LNPK: variants seen among roughly 807,000 people sequenced by gnomAD.
The protein encoded by LNPK is lunapark, ER junction formation factor, also known as endoplasmic reticulum junction formation protein lunapark.
LNPK carries 29 observed loss-of-function variants against 55.2 expected under a neutral mutation model. The observed-to-expected ratio is 0.53, with a 90% CI of 0.39 to 0.72. The LOEUF is 0.72. Among genes scored for constraint, LNPK ranks in the 30% least tolerant of loss-of-function variants. The pLI, the probability that LNPK is intolerant of heterozygous loss-of-function variation, is 0.00. For missense variants in LNPK, 467 were observed against 494.8 expected (o/e 0.94, Z 0.53); for synonymous variants, 162 against 168.2 (o/e 0.96, Z 0.29).
chr2:175,941,854 A>C (rs1407677453), intron 9 of LNPK, among the ~76,000 whole-genome samples: 3 of 150,900 alleles, frequency 2.0e-5, no homozygotes, highest in Non-Finnish European at 4.4e-5. Context: ...AAAAAAACAA[A>C]AAAAAAATAC....
chr2:175,998,998 A>C (rs186858981), intron 1 of LNPK, among the ~76,000 whole-genome samples: 1 of 152,326 alleles, frequency 6.6e-6, no homozygotes, highest in Non-Finnish European at 1.5e-5. Context: ...GAAGCAAGGG[A>C]TTATGCTTTT....
chr2:175,940,514 G>T (rs554725446), intron 9 of LNPK, among the ~76,000 whole-genome samples: 114 of 152,242 alleles, frequency 7.5e-4, no homozygotes, highest in African/African-American at 2.6e-3. Context: ...ATCAGAGTGG[G>T]AGAACCTCCT....
chr2:175,957,608 G>C (rs1186169248), intron 8 of LNPK, among the ~76,000 whole-genome samples: 1 of 151,974 alleles, frequency 6.6e-6, no homozygotes, highest in Non-Finnish European at 1.5e-5. Context: ...GCCCGAATAG[G>C]AACAGCTCTA....
intron 8 of LNPK, among the ~76,000 whole-genome samples, chr2:175,950,460 T>C (rs1685341986): frequency 6.6e-6 from 1 of 152,100 alleles, no homozygotes; most frequent in African/African-American, 2.4e-5. Flanking sequence ...ATATCCCAAT[T>C]ACCTTGATTT....
At chr2:175,937,961 T>G in intron 11 of LNPK, 1 of 184,210 alleles carries the variant, frequency 5.4e-6, no homozygotes. Flanking sequence ...TGGCTACACA[T>G]GAGAATCATC....
intron 5 of LNPK, among the ~76,000 whole-genome samples, chr2:175,974,826 T>C (rs111235010): frequency 4.6e-5 from 7 of 152,144 alleles, no homozygotes; most frequent in African/African-American, 1.7e-4. Context: ...ATACAGGTAA[T>C]ACCTATTAAA....
chr2:175,956,904 C>T (rs1314144456), intron 8 of LNPK, among the ~76,000 whole-genome samples: 8 of 152,296 alleles, frequency 5.3e-5, no homozygotes, highest in Middle Eastern at 3.4e-3. Flanking sequence ...GGCACCTACA[C>T]GGGTGACTGT....
chr2:175,993,035 A>G, intron 3 of LNPK, 147 bp downstream of exon 3: 3 of 526,402 alleles, frequency 5.7e-6, no homozygotes, highest in Non-Finnish European at 1.0e-5. Context: ...GGATTTTTTG[A>G]GATCACATAA....
At chr2:175,991,827 T>C (rs529605270) in intron 4 of LNPK, among the ~76,000 whole-genome samples, 6 of 152,332 alleles carry the variant, frequency 3.9e-5, no homozygotes, top group East Asian at 3.9e-4. Flanking sequence ...GCAGTGACCA[T>C]ATAGCAGTAA....
Position 175,926,857 on chromosome 2 carries a change from T to A in LNPK, c.*3110A>T, listed in dbSNP as rs892918430. ...TGATTAGATGAGAAACATAAACGGT[T>A]TGAATGTTCTGAAGGTTTGAAGCAA... On this transcript the variant is annotated 3_prime_UTR_variant, in exon 13 of 13. Transcript: ENST00000272748. 1 of 152,224 alleles carries A rather than the reference T, an allele frequency of 6.6e-6. No individual in the cohort carries two copies. Among genetic ancestry groups the A allele is most frequent in the Non-Finnish European group, 1.5e-5 (1 of 68,048 alleles). The allele number at this position is 152,224 out of a possible 1,614,324, so 9.4% of individuals were successfully genotyped here.
chr2:175,952,051 T>C (rs950596404), intron 8 of LNPK, among the ~76,000 whole-genome samples: 37 of 149,868 alleles, frequency 2.5e-4, no homozygotes, highest in African/African-American at 8.7e-4. Flanking sequence ...AATTGTCTAT[T>C]CATGTTCTTA....
intron 4 of LNPK, among the ~76,000 whole-genome samples, chr2:175,990,110 C>A (rs1159878629): frequency 1.3e-5 from 2 of 152,184 alleles, no homozygotes; most frequent in Non-Finnish European, 2.9e-5. Context: ...GTCCAGCCCT[C>A]AAAACTGTTT....
intron 4 of LNPK, among the ~76,000 whole-genome samples, chr2:175,989,701 T>C (rs1687601252): frequency 6.6e-6 from 1 of 152,114 alleles, no homozygotes; most frequent in Admixed American, 6.6e-5. Context: ...ACAAAATAAA[T>C]TTGGCATTTA....
chr2:175,994,309 TA>T, intron 2 of LNPK: 1 of 983,938 alleles, frequency 1.0e-6, no homozygotes, highest in Non-Finnish European at 1.2e-6. Context: ...CAAGAAGAGA[TA>T]AATTTGATCC....
rs760514072 is a variant in LNPK, at chr2:175,964,401, C to T, written c.464G>A (p.Gly155Glu). ...KAKECEPPSAGAAVTARPGQE... is the reference protein window; with the variant it reads ...KAKECEPPSAEAAVTARPGQE... ...TCCAGGTCTTGCAGTTACAGCTGCTCCAGCAGATGGCGGCTCACACTCCTG... is the reference window on the plus strand; with the variant it reads ...TCCAGGTCTTGCAGTTACAGCTGCTTCAGCAGATGGCGGCTCACACTCCTG... Residue 155 changes from glycine to glutamate, a missense_variant, in exon 8 of 13, where the codon GGA becomes GAA. Gly to Glu is a moderately conservative substitution (Grantham distance 98). Transcript: ENST00000272748. 4 of 1,613,542 alleles carry T rather than the reference C, an allele frequency of 2.5e-6. No homozygotes were observed. The highest frequency in any genetic ancestry group is 3.4e-6 in the Non-Finnish European group (4 of 1,179,526).
At chr2:175,943,494 A>G (rs1000010144) in intron 9 of LNPK, among the ~76,000 whole-genome samples, 1 of 152,090 alleles carries the variant, frequency 6.6e-6, no homozygotes, top group African/African-American at 2.4e-5. Flanking sequence ...ATTCCTAATG[A>G]GTATTGATAT....
intron 4 of LNPK, 43 bp from the exon 5 acceptor site, chr2:175,979,911 A>C (rs751229306): frequency 7.3e-6 from 11 of 1,509,244 alleles, no homozygotes; most frequent in Non-Finnish European, 9.8e-6. Flanking sequence ...CATCATTAGA[A>C]AAAGCGAATT....
chr2:175,999,009 A>G (rs1180939425), intron 1 of LNPK, among the ~76,000 whole-genome samples: 1 of 152,210 alleles, frequency 6.6e-6, no homozygotes, highest in Non-Finnish European at 1.5e-5. Context: ...TTATGCTTTT[A>G]AATTTGTACT....
chr2:176,001,304 C>T (rs1297832507), intron 1 of LNPK, among the ~76,000 whole-genome samples: 2 of 151,982 alleles, frequency 1.3e-5, no homozygotes, highest in Non-Finnish European at 2.9e-5. Flanking sequence ...GACACCCAGG[C>T]CATAAAGAAA....
Sources: allele counts gnomAD v4.1 joint callset (sites outside exome capture counted in the v4.1 genomes callset), GRCh38; gene constraint gnomAD v4.1.1; transcripts MANE v1.5; gene names NCBI Gene and HGNC (gene_info 2026-07-23, HGNC 2026-07-21).